Variants in C3orf20 observed in about 807,000 individuals in gnomAD.
The protein encoded by C3orf20 is uncharacterized protein C3orf20.
A neutral mutation model predicts 88.3 loss-of-function variants in C3orf20; 76 were observed. The observed-to-expected ratio is 0.86, with a 90% CI of 0.72 to 1.04. C3orf20 has a LOEUF of 1.04. Among genes scored for constraint, C3orf20 ranks in the 50% least tolerant of loss-of-function variants. C3orf20 has a pLI of 0.00. For missense variants in C3orf20, 1,056 were observed against 1,123.3 expected, an observed-to-expected ratio of 0.94 and a Z score of 0.86; for synonymous variants, 436 against 437.4, an observed-to-expected ratio of 1.00 and a Z score of 0.04.
At chr3:14,730,084 G>C (rs2034487882) in intron 12 of C3orf20, among the ~76,000 whole-genome samples, 1 of 152,176 alleles carries the variant, frequency 6.6e-6, no homozygotes, top group African/African-American at 2.4e-5. Flanking sequence ...CCAGGTGGAA[G>C]ATTGCTAACA....
At chr3:14,749,175 G>T (rs948189792) in intron 12 of C3orf20, among the ~76,000 whole-genome samples, 5 of 152,136 alleles carry the variant, frequency 3.3e-5, no homozygotes, top group Non-Finnish European at 7.3e-5. Flanking sequence ...TCTAGATAGA[G>T]TAACTGTCTT....
chr3:14,719,215 G>A (rs987759681), intron 9 of C3orf20, among the ~76,000 whole-genome samples: 5 of 151,536 alleles, frequency 3.3e-5, no homozygotes, highest in African/African-American at 7.3e-5. Context: ...ACTGGAAGTA[G>A]AACCAGCTGG....
Position 14,761,618 on chromosome 3 carries a change from A to T in C3orf20, c.2495+3A>T. 1 of 1,613,962 alleles carries T rather than the reference A, an allele frequency of 6.2e-7. No homozygotes were observed. Among genetic ancestry groups the T allele is most frequent in the Non-Finnish European group, 8.5e-7 (1 of 1,179,970 alleles). On this transcript the variant is annotated splice_donor_region_variant and intron_variant, in intron 15 of 16. Transcript: ENST00000253697. ...CTGCCGGATGACTACAAATTCAGGT[A>T]AAACAGGAAACACGCAGGATGAGGG... is the stretch of plus-strand genomic sequence containing the variant.
chr3:14,722,583 C>T (rs1451699432), intron 10 of C3orf20: 1 of 456,494 alleles, frequency 2.2e-6, no homozygotes, highest in Non-Finnish European at 4.4e-6. Context: ...GTCAGTCTCT[C>T]CCTCTGCTCA....
At chr3:14,684,779 A>G (rs1236616027) in intron 4 of C3orf20, among the ~76,000 whole-genome samples, 1 of 152,200 alleles carries the variant, frequency 6.6e-6, no homozygotes, top group African/African-American at 2.4e-5. Flanking sequence ...GCTCACCTTC[A>G]GTTTTTGTGC....
At chr3:14,751,744 G>T (rs1177740973) in intron 12 of C3orf20, among the ~76,000 whole-genome samples, 7 of 152,024 alleles carry the variant, frequency 4.6e-5, no homozygotes, top group Admixed American at 3.3e-4. Context: ...ACTACCAAGA[G>T]AATAAAACAC....
In C3orf20 at chr3:14,765,001, G is replaced by A. The variant is rs576427766; in HGVS notation, c.2495+3386G>A. 4.3e-4 allele frequency: 65 copies of A among 152,330 alleles called. 1 individual carries two copies. Among genetic ancestry groups the A allele is most frequent in the Non-Finnish European group, 2.4e-4 (16 of 68,046 alleles). The allele number at this position is 152,330 out of a possible 1,614,324, so 9.4% of individuals were successfully genotyped here. A position where few individuals can be genotyped will look rare whatever the true frequency, so the allele number is the denominator to read the frequency against. On this transcript the variant is annotated intron_variant, in intron 15 of 16. Transcript: ENST00000253697. Reference sequence around the variant, plus strand: ...AGTTCCTCTTCCAGCAGGGTGACTGGTTAGTAGTACAAGACGTGCTGTTGG... The same window carrying A: ...AGTTCCTCTTCCAGCAGGGTGACTGATTAGTAGTACAAGACGTGCTGTTGG...
chr3:14,738,272 A>G (rs2034784102), intron 12 of C3orf20, among the ~76,000 whole-genome samples: 1 of 150,424 alleles, frequency 6.6e-6, no homozygotes, highest in Non-Finnish European at 1.5e-5. Context: ...GGTTCAAGCA[A>G]TTCTCCTGCC....
At chr3:14,738,987 C>T (rs183826072) in intron 12 of C3orf20, among the ~76,000 whole-genome samples, 25 of 151,464 alleles carry the variant, frequency 1.7e-4, no homozygotes, top group African/African-American at 4.4e-4. Flanking sequence ...GACGGGGTTT[C>T]GCCATGTTGG....
rs3796306 is a variant in C3orf20 at position 14,772,649 on chromosome 3, G to A, written c.2631-142G>A. The A allele has an allele frequency of 0.14, 88,923 of 642,034 alleles. 7,060 individuals are homozygous for A. Among genetic ancestry groups the A allele is most frequent in the East Asian group, 0.24 (8,552 of 36,012 alleles). 39.8% of individuals were successfully genotyped at this position (642,034 alleles called of 1,614,324 possible). On this transcript the variant is annotated intron_variant, in intron 16 of 16. Transcript: ENST00000253697. This position sits in a 1 kb window ranked among gnomAD's most constrained non-coding sequence, Gnocchi z 4.2. ...TGTAGAAAGGTCGCAGGTGCCACCG[G>A]GGCCCTCTGGTTGGAACAGCACCCA...
chr3:14,704,704 T>C, intron 7 of C3orf20, 86 bp downstream of exon 7: 3 of 1,509,918 alleles, frequency 2.0e-6, no homozygotes, highest in South Asian at 1.3e-5. Context: ...AATGTTTCCT[T>C]GGGCCTTTTA....
At chr3:14,721,535 G>A in intron 9 of C3orf20, 118 bp from the exon 10 acceptor site, 1 of 1,383,830 alleles carries the variant, frequency 7.2e-7, no homozygotes, top group Non-Finnish European at 9.8e-7. Context: ...GAACTGGAAA[G>A]CTCTTACAAA....
Position 14,772,158 on chromosome 3 carries a change from C to T in C3orf20, c.2587C>T (p.Leu863=), listed in dbSNP as rs370746128. 5.6e-6 allele frequency: 9 copies of T among 1,614,090 alleles called. No homozygotes were observed. The highest frequency in any genetic ancestry group is 2.2e-5 in the East Asian group (1 of 44,902). The change falls in exon 16 of 17, where the codon CTG becomes TTG. Residue 863 remains leucine (L), a synonymous_variant. Coordinates refer to ENST00000253697, the MANE Select transcript of C3orf20 (RefSeq NM_032137.5). This position sits in a 1 kb window ranked among gnomAD's most constrained non-coding sequence, Gnocchi z 4.2. ...CCAAGGAAGCAGCTCCTCATTGGCC[C>T]TGGAAGACTATGTGGAGAAGGAGTT... ...DIQGSSSSLA[L]EDYVEKELSL...
At chr3:14,702,786 C>A (rs1179627287) in intron 5 of C3orf20, among the ~76,000 whole-genome samples, 2 of 152,128 alleles carry the variant, frequency 1.3e-5, no homozygotes, top group Non-Finnish European at 2.9e-5. Context: ...AACAGTCCCC[C>A]AAAGTCTTAA....
At chr3:14,749,489 G>A (rs969605835) in intron 12 of C3orf20, among the ~76,000 whole-genome samples, 1 of 152,152 alleles carries the variant, frequency 6.6e-6, no homozygotes, top group Non-Finnish European at 1.5e-5. Context: ...TTGCATGTTT[G>A]AATCTAAAAT....
chr3:14,714,476 T>C (rs549622935), intron 8 of C3orf20, among the ~76,000 whole-genome samples: 4 of 152,314 alleles, frequency 2.6e-5, no homozygotes, highest in African/African-American at 9.6e-5. Context: ...GGAAAAAATA[T>C]GTTTTATACC....
chr3:14,686,633 T>C (rs2032445267), intron 4 of C3orf20, among the ~76,000 whole-genome samples: 1 of 152,250 alleles, frequency 6.6e-6, no homozygotes, highest in South Asian at 2.1e-4. Context: ...TTGTGTCTCT[T>C]CTTTTGAGAA....
intron 7 of C3orf20, among the ~76,000 whole-genome samples, chr3:14,710,813 T>C (rs1399941566): frequency 6.6e-6 from 1 of 152,218 alleles, no homozygotes; most frequent in Non-Finnish European, 1.5e-5. Context: ...TGTTCTGCTG[T>C]TGTTGGGTGG....
chr3:14,731,204 A>G (rs1444040544), intron 12 of C3orf20, among the ~76,000 whole-genome samples: 2 of 152,172 alleles, frequency 1.3e-5, no homozygotes, highest in East Asian at 1.9e-4. Flanking sequence ...ATAGTTTTGC[A>G]TTTTCCAGAA....
Sources: allele counts gnomAD v4.1 joint callset (sites outside exome capture counted in the v4.1 genomes callset), GRCh38; gene constraint gnomAD v4.1.1; non-coding constraint Gnocchi (gnomAD v3.1); transcripts MANE v1.5; gene names NCBI Gene and HGNC (gene_info 2026-07-23, HGNC 2026-07-21).